APBB1IP: variants seen among roughly 807,000 people sequenced by gnomAD.
The protein encoded by APBB1IP is amyloid beta A4 precursor protein-binding family B member 1-interacting protein.
A neutral mutation model predicts 64.9 loss-of-function variants in APBB1IP; 27 were observed. The observed-to-expected ratio is 0.42, with a 90% confidence interval of 0.31 to 0.57. The LOEUF (loss-of-function observed/expected upper bound fraction) is 0.57, where lower values mean the gene tolerates loss of function less well. Among genes scored for constraint, APBB1IP ranks in the 20% least tolerant of loss-of-function variants. APBB1IP has a pLI of 0.20. For synonymous variants in APBB1IP, 392 were observed against 331.0 expected (o/e 1.18, Z -2.00); for missense variants, 812 against 845.5 (o/e 0.96, Z 0.49).
At chr10:26,478,690 T>C (rs1835803736) in intron 2 of APBB1IP, among the ~76,000 whole-genome samples, 2 of 150,852 alleles carry the variant, frequency 1.3e-5, no homozygotes, top group African/African-American at 4.9e-5. Context: ...ATATGTATGG[T>C]ATTTAAAGCC....
At chr10:26,498,754 C>T (rs978004910) in intron 4 of APBB1IP, among the ~76,000 whole-genome samples, 3 of 152,054 alleles carry the variant, frequency 2.0e-5, no homozygotes, top group Admixed American at 2.0e-4. Context: ...AGCAATGATA[C>T]CCAGCAAGAT....
chr10:26,552,800 A>G (rs528552362), intron 11 of APBB1IP, among the ~76,000 whole-genome samples: 1 of 152,186 alleles, frequency 6.6e-6, no homozygotes, highest in Admixed American at 6.5e-5. Flanking sequence ...CTGGAACCAC[A>G]TCGTCAGCCA....
intron 10 of APBB1IP, among the ~76,000 whole-genome samples, chr10:26,538,246 A>G (rs1836652381): frequency 6.6e-6 from 1 of 152,230 alleles, no homozygotes; most frequent in African/African-American, 2.4e-5. Context: ...CAGAAAATGC[A>G]AAATACCTAA....
intron 6 of APBB1IP, among the ~76,000 whole-genome samples, chr10:26,511,371 A>G (rs1307816297): frequency 6.6e-6 from 1 of 152,126 alleles, no homozygotes; most frequent in Non-Finnish European, 1.5e-5. Context: ...AAAGATACAG[A>G]CATAGCTTTT....
chr10:26,500,345 C>T (rs778573136), intron 4 of APBB1IP, among the ~76,000 whole-genome samples: 69 of 152,284 alleles, frequency 4.5e-4, no homozygotes, highest in Non-Finnish European at 9.4e-4. Flanking sequence ...CACATTAAAT[C>T]CCCATTGGTT....
intron 2 of APBB1IP, among the ~76,000 whole-genome samples, chr10:26,439,065 G>T (rs1468859839): frequency 6.6e-6 from 1 of 152,202 alleles, no homozygotes; most frequent in East Asian, 1.9e-4. Context: ...CGGCTCGCGA[G>T]GGTGGGGGTG....
At chr10:26,523,574 G>C (rs140795568) in intron 8 of APBB1IP, among the ~76,000 whole-genome samples, 2 of 152,168 alleles carry the variant, frequency 1.3e-5, no homozygotes, top group African/African-American at 4.8e-5. Context: ...TTAGAAAATG[G>C]TACACTTCAA....
chr10:26,549,987 C>A (rs759195373), intron 11 of APBB1IP, among the ~76,000 whole-genome samples: 1 of 150,444 alleles, frequency 6.6e-6, no homozygotes, highest in African/African-American at 2.4e-5. Context: ...TTATCTCCTT[C>A]ATTTCTGAAG....
chr10:26,541,477 T>G (rs1024469981), intron 10 of APBB1IP, 105 bp from the exon 11 acceptor site: 3 of 756,960 alleles, frequency 4.0e-6, no homozygotes, highest in Non-Finnish European at 4.4e-6. Flanking sequence ...AAAGTCAATA[T>G]TTTCTTTACT....
intron 2 of APBB1IP, among the ~76,000 whole-genome samples, chr10:26,467,186 G>A (rs561139544): frequency 9.2e-5 from 14 of 152,186 alleles, no homozygotes; most frequent in South Asian, 2.1e-4. Context: ...GATTACAGGC[G>A]TGAGCCACCG....
chr10:26,565,124 A>T (rs189586594), intron 14 of APBB1IP, among the ~76,000 whole-genome samples: 54 of 152,124 alleles, frequency 3.5e-4, no homozygotes, highest in Non-Finnish European at 6.0e-4. Context: ...ATTTCCATTC[A>T]CTCTTCCCTT....
intron 4 of APBB1IP, among the ~76,000 whole-genome samples, chr10:26,500,523 A>G (rs958808175): frequency 6.6e-6 from 1 of 152,132 alleles, no homozygotes; most frequent in Non-Finnish European, 1.5e-5. Flanking sequence ...GTGTGCTTGG[A>G]TTTGACTTTA....
chr10:26,537,557 T>A (rs1452236423), intron 10 of APBB1IP, among the ~76,000 whole-genome samples: 1 of 152,210 alleles, frequency 6.6e-6, no homozygotes, highest in East Asian at 1.9e-4. Flanking sequence ...TTTCGAAATG[T>A]TTATGTCTTA....
chr10:26,558,140 A>AACACACACAC (rs58025187), intron 11 of APBB1IP, among the ~76,000 whole-genome samples: 3,090 of 148,952 alleles, frequency 0.021, 88 homozygotes, highest in African/African-American at 0.057. Flanking sequence ...CACACACACA[A>AACACACACAC]ACACACACAC....
At chr10:26,488,041 A>T (rs1835912621) in intron 2 of APBB1IP, among the ~76,000 whole-genome samples, 1 of 152,148 alleles carries the variant, frequency 6.6e-6, no homozygotes, top group Non-Finnish European at 1.5e-5. Context: ...TTATTTTCTC[A>T]CACTATTGTA....
At chr10:26,506,247 GT>G (rs1379853457) in intron 6 of APBB1IP, among the ~76,000 whole-genome samples, 40 of 83,980 alleles carry the variant, frequency 4.8e-4, no homozygotes, top group African/African-American at 1.1e-3. Context: ...TACCGTGTGT[GT>G]GTGGGGGGGG....
chr10:26,495,197 G>A (rs1052989859), intron 3 of APBB1IP, among the ~76,000 whole-genome samples: 7 of 151,590 alleles, frequency 4.6e-5, no homozygotes, highest in African/African-American at 9.7e-5. Flanking sequence ...TAATAGAGAC[G>A]GGGTTTCACC....
At chr10:26,529,852 G>A (rs1223467906) in intron 8 of APBB1IP, among the ~76,000 whole-genome samples, 1 of 152,110 alleles carries the variant, frequency 6.6e-6, no homozygotes, top group Non-Finnish European at 1.5e-5. Flanking sequence ...TGTTAGCCAG[G>A]CTGGTCTCGA....
At chr10:26,455,545 G>C (rs1835515003) in intron 2 of APBB1IP, among the ~76,000 whole-genome samples, 1 of 151,548 alleles carries the variant, frequency 6.6e-6, no homozygotes, top group Non-Finnish European at 1.5e-5. Flanking sequence ...ATAATAAGAA[G>C]AAAAACGTCT....
Sources: allele counts gnomAD v4.1 joint callset (sites outside exome capture counted in the v4.1 genomes callset), GRCh38; gene constraint gnomAD v4.1.1; transcripts MANE v1.5; gene names NCBI Gene and HGNC (gene_info 2026-07-23, HGNC 2026-07-21).